CMIP: variants seen among roughly 807,000 people sequenced by gnomAD.
CMIP encodes the protein C-Maf-inducing protein.
Under a neutral mutation model 97.3 loss-of-function variants are expected in CMIP, and 13 were observed. The ratio of observed to expected loss-of-function variants is 0.13; its 90% CI spans 0.09 to 0.21. The LOEUF is 0.21. Ranked by LOEUF, CMIP falls within the 10% of genes least tolerant of loss-of-function variation. CMIP has a pLI of 1.00. For synonymous variants in CMIP, 538 were observed against 436.3 expected (o/e 1.23, Z -2.91); for missense variants, 847 against 1,024.9 (o/e 0.83, Z 2.37).
chr16:81,493,509 C>A (rs1487077189), intron 1 of CMIP, among the ~76,000 whole-genome samples: 1 of 152,222 alleles, frequency 6.6e-6, no homozygotes, highest in Non-Finnish European at 1.5e-5. Context: ...TACCGTGTGA[C>A]TCAAGGGGCT....
At chr16:81,639,276 G>A (rs2092275072) in intron 3 of CMIP, among the ~76,000 whole-genome samples, 1 of 152,230 alleles carries the variant, frequency 6.6e-6, no homozygotes, top group African/African-American at 2.4e-5. Flanking sequence ...TTAGTTCGGT[G>A]AAATATGCAT....
intron 12 of CMIP, 68 bp downstream of exon 12, chr16:81,693,252 C>T (rs929572666): frequency 1.7e-5 from 26 of 1,496,382 alleles, no homozygotes; most frequent in Non-Finnish European, 2.3e-5. Context: ...GTCTTCCCTC[C>T]GTGGCCCATG....
At chr16:81,467,289 C>T (rs1466225010) in intron 1 of CMIP, among the ~76,000 whole-genome samples, 6 of 152,208 alleles carry the variant, frequency 3.9e-5, no homozygotes, top group Non-Finnish European at 8.8e-5. Context: ...CGCTTGACAA[C>T]CTTCTGCCCC....
At chr16:81,532,339 T>C (rs939307853) in intron 1 of CMIP, among the ~76,000 whole-genome samples, 38 of 152,266 alleles carry the variant, frequency 2.5e-4, no homozygotes, top group African/African-American at 8.9e-4. Flanking sequence ...CACACGCTGA[T>C]GCAGGAGGTA....
chr16:81,545,057 G>A (rs2090520145), intron 1 of CMIP, among the ~76,000 whole-genome samples: 1 of 152,054 alleles, frequency 6.6e-6, no homozygotes, highest in Non-Finnish European at 1.5e-5. Context: ...TTGCCCAAAA[G>A]AGCCCATGAT....
chr16:81,655,771 A>C lies in CMIP; in HGVS notation c.640-2004A>C, dbSNP rs2092474737. On this transcript the variant is annotated intron_variant, in intron 4 of 20. Transcript: ENST00000537098. The surrounding 1 kb of genome is among the most constrained non-coding windows in gnomAD (Gnocchi z 4.9). Reference sequence around the variant, plus strand: ...AATATAGACTTTAGAGTAAGGACAGACGGGTTCATATCCTCACTGCAGCCC... The same window carrying C: ...AATATAGACTTTAGAGTAAGGACAGCCGGGTTCATATCCTCACTGCAGCCC... Among the ~76,000 whole-genome samples, 2 of 152,136 alleles carry C rather than the reference A, an allele frequency of 1.3e-5. No individual in the cohort carries two copies. Among genetic ancestry groups the C allele is most frequent in the Admixed American group, 6.5e-5 (1 of 15,272 alleles).
rs997564843 is a variant in CMIP at position 81,704,064 on chromosome 16, G to A, written c.2070G>A (p.Gln690=). Residue 690 remains glutamine, a synonymous_variant, in exon 18 of 21, where the codon CAG becomes CAA. Coordinates refer to ENST00000537098, the MANE Select transcript of CMIP (RefSeq NM_198390.3). ...TCATCAAACTGCCTTCGCTCAAGCA[G>A]CTGAACCTGTGGTCCACTCAGGTAC... ...EHLIKLPSLK[Q]LNLWSTQFGD... 4.4e-6 allele frequency: 7 copies of A among 1,605,146 alleles called. No individual in the cohort carries two copies. The highest frequency in any genetic ancestry group is 1.3e-5 in the African/African-American group (1 of 74,666).
rs1163858978 is a variant in CMIP at position 81,445,045 on chromosome 16, C to G, written c.-197C>G. On this transcript the variant is annotated 5_prime_UTR_variant, in exon 1 of 21. Coordinates refer to ENST00000537098, the MANE Select transcript of CMIP (RefSeq NM_198390.3). ...GAAGCCCGGAGCCCCGCAGGAAGCG[C>G]CGAGGCCGGCCCAGCCCGCCGCACG... 3 of 200,660 alleles carry G rather than the reference C, an allele frequency of 1.5e-5. No homozygotes were observed. The highest frequency in any genetic ancestry group is 7.2e-5 in the African/African-American group (3 of 41,916). The allele number at this position is 200,660 out of a possible 1,614,324, so 12.4% of individuals were successfully genotyped here. A position where few individuals can be genotyped will look rare whatever the true frequency, so the allele number is the denominator to read the frequency against.
rs1286845322 is a variant in CMIP at position 81,444,855 on chromosome 16, G to C, written c.-387G>C. Among the ~76,000 whole-genome samples the C allele has an allele frequency of 7.8e-4, 112 of 143,274 alleles. No individual in the cohort carries two copies. The highest frequency in any genetic ancestry group is 2.6e-3 in the African/African-American group (103 of 39,898). 94.0% of individuals were successfully genotyped at this position (143,274 alleles called of 152,430 possible). A position where few individuals can be genotyped will look rare whatever the true frequency, so the allele number is the denominator to read the frequency against. Reference sequence around the variant, plus strand: ...GGACACACGCTCTGTACACACGCGCGCGGCGGCGCGGGGCCCCGAGACACG... The same window carrying C: ...GGACACACGCTCTGTACACACGCGCCCGGCGGCGCGGGGCCCCGAGACACG... On this transcript the variant is annotated 5_prime_UTR_variant, in exon 1 of 21. Transcript: ENST00000537098.
chr16:81,596,721 C>A (rs1319491605), intron 1 of CMIP, among the ~76,000 whole-genome samples: 1 of 152,094 alleles, frequency 6.6e-6, no homozygotes, highest in Non-Finnish European at 1.5e-5. Context: ...GGATCAACAC[C>A]ATGTCCTGGT....
At chr16:81,669,733 C>T (rs1371909311) in intron 7 of CMIP, among the ~76,000 whole-genome samples, 1 of 150,420 alleles carries the variant, frequency 6.6e-6, no homozygotes, top group African/African-American at 2.4e-5. Context: ...ACACTCACCT[C>T]CTTCCACACC....
chr16:81,688,808 C>T (rs12926506), intron 10 of CMIP, among the ~76,000 whole-genome samples: 23,145 of 152,094 alleles, frequency 0.15, 2,341 homozygotes, highest in East Asian at 0.42. Context: ...TCCCTCCCTC[C>T]TCCCCCAACC....
intron 1 of CMIP, among the ~76,000 whole-genome samples, chr16:81,539,866 A>G (rs749304380): frequency 1.5e-4 from 23 of 152,274 alleles, no homozygotes; most frequent in Non-Finnish European, 2.5e-4. Flanking sequence ...TCATAGCACA[A>G]TTTACATGAA....
chr16:81,661,194 T>C (rs979060232), intron 6 of CMIP, among the ~76,000 whole-genome samples: 4 of 152,196 alleles, frequency 2.6e-5, no homozygotes, highest in African/African-American at 9.7e-5. Flanking sequence ...TTCCCGGCTG[T>C]CTTAGGAGAC....
intron 1 of CMIP, among the ~76,000 whole-genome samples, chr16:81,534,132 C>G (rs1045902318): frequency 1.1e-4 from 16 of 152,338 alleles, no homozygotes; most frequent in Admixed American, 2.6e-4. Context: ...CAGCCTGTGG[C>G]CAGGCTGCGT....
At chr16:81,465,303 G>T (rs1023932806) in intron 1 of CMIP, among the ~76,000 whole-genome samples, 5 of 152,184 alleles carry the variant, frequency 3.3e-5, no homozygotes, top group Admixed American at 3.3e-4. Flanking sequence ...TTGGTGTTGT[G>T]GGCTGGATCT....
chr16:81,460,334 G>A (rs1906829109), intron 1 of CMIP, among the ~76,000 whole-genome samples: 1 of 152,116 alleles, frequency 6.6e-6, no homozygotes, highest in South Asian at 2.1e-4. Context: ...GTTGCCATGG[G>A]TGGGTGGCGT....
chr16:81,591,919 G>C (rs1432649885), intron 1 of CMIP, among the ~76,000 whole-genome samples: 3 of 151,468 alleles, frequency 2.0e-5, no homozygotes, highest in African/African-American at 7.3e-5. Flanking sequence ...CCACCTCCCA[G>C]GCTCAAGTAT....
At chr16:81,625,222 G>A (rs893053363) in intron 3 of CMIP, among the ~76,000 whole-genome samples, 1 of 152,246 alleles carries the variant, frequency 6.6e-6, no homozygotes, top group Non-Finnish European at 1.5e-5. Flanking sequence ...GCAGGAGGAG[G>A]GCCAGGATCT....
Sources: gnomAD v4.1 joint callset for allele counts (sites outside exome capture counted in the v4.1 genomes callset) on GRCh38, gnomAD v4.1.1 for gene constraint, Gnocchi (gnomAD v3.1) non-coding constraint, MANE v1.5 for transcripts, NCBI Gene and HGNC (gene_info 2026-07-23, HGNC 2026-07-21) for gene names.